Variants in KIF6 observed in about 807,000 individuals in gnomAD.
KIF6 encodes kinesin family member 6.
A neutral mutation model predicts 112.7 loss-of-function variants in KIF6; 106 were observed. The observed-to-expected ratio is 0.94, with a 90% CI of 0.80 to 1.11. KIF6 has a LOEUF of 1.11. KIF6 is among the 50% of genes least tolerant of loss of function. The pLI, the probability that KIF6 is intolerant of heterozygous loss-of-function variation, is 0.00. For missense variants in KIF6, 929 were observed against 964.0 expected, an observed-to-expected ratio of 0.96 and a Z score of 0.48; for synonymous variants, 339 against 339.9, an observed-to-expected ratio of 1.00 and a Z score of 0.03.
intron 5 of KIF6, among the ~76,000 whole-genome samples, chr6:39,628,972 T>C (rs1188872560): frequency 6.6e-6 from 1 of 152,176 alleles, no homozygotes; most frequent in African/African-American, 2.4e-5. Context: ...GCAATATGCA[T>C]TTACATTTTC....
chr6:39,449,545 C>T (rs540661629), intron 13 of KIF6, among the ~76,000 whole-genome samples: 1 of 152,334 alleles, frequency 6.6e-6, no homozygotes, highest in East Asian at 1.9e-4. Context: ...CCCCAACCCA[C>T]CACAATGATT....
intron 13 of KIF6, among the ~76,000 whole-genome samples, chr6:39,469,570 T>G (rs1036861480): frequency 6.6e-6 from 1 of 152,182 alleles, no homozygotes; most frequent in Non-Finnish European, 1.5e-5. Context: ...GAGAGGAACT[T>G]TTAAAACTTT....
intron 20 of KIF6, 124 bp from the exon 21 acceptor site, chr6:39,345,913 C>T: frequency 1.5e-6 from 1 of 669,040 alleles, no homozygotes; most frequent in Non-Finnish European, 2.6e-6. Flanking sequence ...ATGTGGACAC[C>T]CTAATTCCCA....
intron 3 of KIF6, chr6:39,690,960 T>A (rs1788173958): frequency 6.6e-6 from 1 of 152,344 alleles, no homozygotes; most frequent in South Asian, 2.1e-4. Flanking sequence ...TTACATAGGG[T>A]TGTCCAATAA....
intron 22 of KIF6, among the ~76,000 whole-genome samples, chr6:39,337,216 T>TTTCTTTCTTTCTTTCTTTC (rs1562102855): frequency 9.0e-6 from 1 of 110,998 alleles, no homozygotes; most frequent in African/African-American, 6.0e-5. Flanking sequence ...TCTTTCTTTC[T>TTTCTTTCTTTCTTTCTTTC]TTCTTTCTTT....
Position 39,692,510 on chromosome 6 carries a change from A to T in KIF6, c.251+22182T>A, listed in dbSNP as rs1037899992. ...GTCACTATAATAGATATTCAGAATC[A>T]CGCACAGGAAGAATTACATTGTGGA... On this transcript the variant is annotated intron_variant, in intron 3 of 22. Coordinates refer to ENST00000287152, the MANE Select transcript of KIF6 (RefSeq NM_145027.6). Among the ~76,000 whole-genome samples the T allele has an allele frequency of 7.9e-5, 12 of 152,342 alleles. No homozygotes were observed. In the Middle Eastern group the frequency reaches 0.01, roughly 130 times the overall value.
At chr6:39,397,422 CTAAATATTT>C in intron 15 of KIF6, among the ~76,000 whole-genome samples, 1 of 152,198 alleles carries the variant, frequency 6.6e-6, no homozygotes, top group Admixed American at 6.5e-5. Context: ...TCCTCTGAGG[CTAAATATTT>C]TCAAAGAGGA....
chr6:39,613,502 C>G (rs796142717), intron 5 of KIF6, among the ~76,000 whole-genome samples, 184 bp from the exon 6 acceptor site: 23 of 152,278 alleles, frequency 1.5e-4, no homozygotes, highest in African/African-American at 4.8e-4. Flanking sequence ...ACAGTACTAT[C>G]AAATAGCTTT....
chr6:39,634,989 C>T lies in KIF6; in HGVS notation c.400-31G>A, dbSNP rs111683713. On this transcript the variant is annotated intron_variant, in intron 4 of 22. Coordinates refer to ENST00000287152, the MANE Select transcript of KIF6 (RefSeq NM_145027.6). ...TGGAAAAGGGAAAGGTATTATTTATCGGTTATAACAATGATTCTGCTTAGA... is the reference window on the plus strand; with the variant it reads ...TGGAAAAGGGAAAGGTATTATTTATTGGTTATAACAATGATTCTGCTTAGA... The T allele has an allele frequency of 1.1e-5, 13 of 1,179,836 alleles. 1 individual carries two copies. Among genetic ancestry groups the T allele is most frequent in the Admixed American group, 3.4e-5 (2 of 58,920 alleles). The allele number at this position is 1,179,836 out of a possible 1,614,324, so 73.1% of individuals were successfully genotyped here.
intron 3 of KIF6, among the ~76,000 whole-genome samples, chr6:39,681,903 T>C (rs1342408213): frequency 6.6e-6 from 1 of 152,124 alleles, no homozygotes; most frequent in Admixed American, 6.6e-5. Flanking sequence ...ATGATGAATG[T>C]AGGAAGAACT....
chr6:39,362,400 G>T (rs752571227), intron 17 of KIF6, 34 bp downstream of exon 17: 1 of 1,542,482 alleles, frequency 6.5e-7, no homozygotes, highest in Non-Finnish European at 9.0e-7. Context: ...TGGGAGGCTG[G>T]GCTCGGACTG....
chr6:39,350,446 C>G (rs1189978320), intron 19 of KIF6, among the ~76,000 whole-genome samples: 1 of 152,142 alleles, frequency 6.6e-6, no homozygotes, highest in Non-Finnish European at 1.5e-5. Context: ...CTTCATCTCT[C>G]TGAGCCTGAA....
chr6:39,697,980 T>C (rs1582473530), intron 3 of KIF6, among the ~76,000 whole-genome samples: 1 of 152,262 alleles, frequency 6.6e-6, no homozygotes, highest in African/African-American at 2.4e-5. Context: ...CATTGTTTAC[T>C]CATATAATAT....
intron 13 of KIF6, among the ~76,000 whole-genome samples, chr6:39,531,095 C>T (rs540472842): frequency 6.6e-6 from 1 of 152,204 alleles, no homozygotes; most frequent in South Asian, 2.1e-4. Flanking sequence ...ATTTGTGAGC[C>T]TACCTCTGCT....
At position 39,359,670 on chromosome 6, in the gene KIF6, C is replaced by T. The variant is rs1476154434; in HGVS notation, c.2082+725G>A. Among the ~76,000 whole-genome samples, 9 of 152,276 alleles carry T rather than the reference C, an allele frequency of 5.9e-5. No homozygotes were observed. In the South Asian group the frequency reaches 8.3e-4, roughly 14 times the overall value. Reference sequence around the variant, plus strand: ...GGTCTATCACTGCTCACTGCAGCCTCGACCTCCCAGGCTCAAGCACTCTGC... The same window carrying T: ...GGTCTATCACTGCTCACTGCAGCCTTGACCTCCCAGGCTCAAGCACTCTGC... On this transcript the variant is annotated intron_variant, in intron 18 of 22. Transcript: ENST00000287152.
chr6:39,440,138 G>A (rs181800047), intron 13 of KIF6, among the ~76,000 whole-genome samples: 35 of 152,092 alleles, frequency 2.3e-4, no homozygotes, highest in African/African-American at 8.0e-4. Flanking sequence ...TGAGAAGGGG[G>A]GTGGATTCCA....
chr6:39,534,346 C>G (rs1222227350), intron 13 of KIF6, among the ~76,000 whole-genome samples: 1 of 152,050 alleles, frequency 6.6e-6, no homozygotes, highest in African/African-American at 2.4e-5. Context: ...ACTAGAATAA[C>G]CAATACAGAG....
At chr6:39,495,866 T>C (rs983042937) in intron 13 of KIF6, among the ~76,000 whole-genome samples, 1 of 152,088 alleles carries the variant, frequency 6.6e-6, no homozygotes, top group African/African-American at 2.4e-5. Context: ...CCCTTTGTCA[T>C]GTATAAATGT....
intron 13 of KIF6, among the ~76,000 whole-genome samples, chr6:39,517,423 G>A (rs904095604): frequency 2.0e-5 from 3 of 152,144 alleles, no homozygotes; most frequent in Non-Finnish European, 2.9e-5. Flanking sequence ...GTTGACAGTG[G>A]ATAACAAAGA....
Sources: gnomAD v4.1 joint callset for allele counts (sites outside exome capture counted in the v4.1 genomes callset) on GRCh38, gnomAD v4.1.1 for gene constraint, MANE v1.5 for transcripts, NCBI Gene and HGNC (gene_info 2026-07-23, HGNC 2026-07-21) for gene names.